PALS2: variants seen among roughly 807,000 people sequenced by gnomAD.
PALS2 encodes protein PALS2.
Under a neutral mutation model 61.6 loss-of-function variants are expected in PALS2, and 27 were observed. The observed-to-expected ratio is 0.44, with a 90% confidence interval of 0.32 to 0.60. PALS2 has a LOEUF of 0.60. PALS2 is among the 20% of genes least tolerant of loss of function. The pLI is 0.05. For synonymous variants in PALS2, 236 were observed against 218.6 expected (o/e 1.08, Z -0.70); for missense variants, 554 against 639.4 (o/e 0.87, Z 1.44).
At chr7:24,666,875 T>C (rs1787044827) in intron 8 of PALS2, 1 of 152,132 alleles carries the variant, frequency 6.6e-6, no homozygotes, top group Non-Finnish European at 1.5e-5. Context: ...TTGCAGAGGA[T>C]GACAGAAATA....
intron 5 of PALS2, among the ~76,000 whole-genome samples, chr7:24,656,279 C>A (rs537269534): frequency 2.0e-5 from 3 of 152,132 alleles, no homozygotes; most frequent in Non-Finnish European, 4.4e-5. Flanking sequence ...TTTTTCTAGC[C>A]GTTTCATCCA....
chr7:24,577,050 C>CTTACTGTTTACTGT (rs1782666771), intron 1 of PALS2, among the ~76,000 whole-genome samples: 1 of 152,106 alleles, frequency 6.6e-6, no homozygotes, highest in Non-Finnish European at 1.5e-5. Flanking sequence ...ACAGAGGCTG[C>CTTACTGTTTACTGT]TACGTTTATA....
intron 5 of PALS2, among the ~76,000 whole-genome samples, chr7:24,658,703 C>G (rs1358181059): frequency 6.6e-6 from 1 of 151,746 alleles, no homozygotes; most frequent in Non-Finnish European, 1.5e-5. Context: ...ACTACAGGCA[C>G]GTGCCACCAG....
Position 24,690,032 on chromosome 7 carries a change from C to T in PALS2, c.*2418C>T, listed in dbSNP as rs567739111. On this transcript the variant is annotated 3_prime_UTR_variant, in exon 12 of 12. Transcript: ENST00000222644. ...TAAAATGTATTACTTAGAAAATATACTTAAAGGAATTATTTCTATTATAAA... is the reference window on the plus strand; with the variant it reads ...TAAAATGTATTACTTAGAAAATATATTTAAAGGAATTATTTCTATTATAAA... 161 of 152,268 alleles carry T rather than the reference C, an allele frequency of 1.1e-3. 1 individual carries two copies. The highest frequency in any genetic ancestry group is 0.01 in the Middle Eastern group (3 of 294). 9.4% of individuals were successfully genotyped at this position (152,268 alleles called of 1,614,324 possible). A position where few individuals can be genotyped will look rare whatever the true frequency, so the allele number is the denominator to read the frequency against.
chr7:24,582,883 CTTTTTT>C (rs757869072), intron 1 of PALS2, among the ~76,000 whole-genome samples: 5 of 57,468 alleles, frequency 8.7e-5, no homozygotes, highest in African/African-American at 1.4e-4. Flanking sequence ...GATAGTCATG[CTTTTTT>C]TTTTTTTTTT....
rs541979671 is a variant in PALS2 at position 24,599,923 on chromosome 7, T to C, written c.-2-23743T>C. On this transcript the variant is annotated intron_variant, in intron 1 of 11. Transcript: ENST00000222644. ...CAGGATCATCAATATCAGTGTCTTC[T>C]ACCTTCACATCATGTCCCACTGGAA... Among the ~76,000 whole-genome samples, 20 of 152,298 alleles carry C rather than the reference T, an allele frequency of 1.3e-4. No homozygotes were observed. The South Asian group carries it at 4.1e-3, about 32-fold the overall frequency.
chr7:24,611,319 T>G (rs1784103254), intron 1 of PALS2, among the ~76,000 whole-genome samples: 1 of 152,128 alleles, frequency 6.6e-6, no homozygotes, highest in Non-Finnish European at 1.5e-5. Flanking sequence ...TTATGCCTTG[T>G]TATGCAATTC....
intron 1 of PALS2, among the ~76,000 whole-genome samples, chr7:24,601,148 C>G (rs992973720): frequency 3.5e-4 from 54 of 152,178 alleles, no homozygotes; most frequent in African/African-American, 1.2e-3. Context: ...GGATTTAGCT[C>G]TTTACATTTT....
chr7:24,670,103 C>T (rs532821520), intron 9 of PALS2, among the ~76,000 whole-genome samples: 93 of 152,240 alleles, frequency 6.1e-4, no homozygotes, highest in South Asian at 2.5e-3. Flanking sequence ...CTGTTTCCTG[C>T]TTTATGCAGT....
At chr7:24,604,894 A>G (rs1341674582) in intron 1 of PALS2, among the ~76,000 whole-genome samples, 2 of 152,174 alleles carry the variant, frequency 1.3e-5, no homozygotes, top group African/African-American at 2.4e-5. Context: ...GTTATCACCA[A>G]CTGAGCTGGG....
At chr7:24,637,133 G>C (rs1177546746) in intron 2 of PALS2, among the ~76,000 whole-genome samples, 1 of 151,936 alleles carries the variant, frequency 6.6e-6, no homozygotes, top group Non-Finnish European at 1.5e-5. Flanking sequence ...TGATTCTACA[G>C]ATATATCTAA....
intron 8 of PALS2, 136 bp downstream of exon 8, chr7:24,666,225 C>A: frequency 1.5e-6 from 1 of 676,442 alleles, no homozygotes; most frequent in Non-Finnish European, 2.5e-6. Flanking sequence ...GACATATGAA[C>A]ACATGGTGCA....
intron 3 of PALS2, among the ~76,000 whole-genome samples, chr7:24,645,750 C>T (rs1010331732): frequency 2.6e-5 from 4 of 152,160 alleles, no homozygotes; most frequent in Non-Finnish European, 5.9e-5. Context: ...TATCCATGAG[C>T]ACGGGATGTT....
Position 24,680,722 on chromosome 7 carries a change from A to T in PALS2, c.1446+202A>T, listed in dbSNP as rs147778657. 6.0e-3 allele frequency among the ~76,000 whole-genome samples: 918 copies of T among 152,200 alleles called. 7 individuals are homozygous for T. The highest frequency in any genetic ancestry group is 0.02 in the African/African-American group (848 of 41,528). On this transcript the variant is annotated intron_variant, in intron 11 of 11. Coordinates refer to ENST00000222644, the MANE Select transcript of PALS2 (RefSeq NM_001303037.2). ...GCGATTCTCCTGCCTCAGCCTCCCA[A>T]GTAGCTGGGATTACAGGCATGCGCT... is the stretch of plus-strand genomic sequence containing the variant.
At chr7:24,595,462 AAT>A (rs573695713) in intron 1 of PALS2, among the ~76,000 whole-genome samples, 20 of 138,078 alleles carry the variant, frequency 1.4e-4, no homozygotes, top group Non-Finnish European at 2.3e-4. Context: ...AATATATATA[AAT>A]ATATATAAAT....
chr7:24,611,103 C>A (rs943517147), intron 1 of PALS2, among the ~76,000 whole-genome samples: 1 of 152,108 alleles, frequency 6.6e-6, no homozygotes, highest in East Asian at 1.9e-4. Context: ...CATTTACTTA[C>A]AGTTCTAAAC....
At chr7:24,636,572 A>G (rs1408988715) in intron 2 of PALS2, among the ~76,000 whole-genome samples, 1 of 152,196 alleles carries the variant, frequency 6.6e-6, no homozygotes, top group Non-Finnish European at 1.5e-5. Flanking sequence ...AAAATAATGG[A>G]TATGGTAATT....
chr7:24,615,368 AAAAG>A (rs1003007859), intron 1 of PALS2, among the ~76,000 whole-genome samples: 9 of 152,104 alleles, frequency 5.9e-5, no homozygotes, highest in Middle Eastern at 3.4e-3. Context: ...CAACAAGAAA[AAAAG>A]AGCAAATCCA....
chr7:24,622,898 T>G (rs1784580120), intron 1 of PALS2, among the ~76,000 whole-genome samples: 2 of 151,862 alleles, frequency 1.3e-5, no homozygotes, highest in African/African-American at 4.8e-5. Flanking sequence ...ATGAAAGAGT[T>G]TTGGGTTTTG....
Sources: allele counts gnomAD v4.1 joint callset (sites outside exome capture counted in the v4.1 genomes callset), GRCh38; gene constraint gnomAD v4.1.1; transcripts MANE v1.5; gene names NCBI Gene and HGNC (gene_info 2026-07-23, HGNC 2026-07-21).